The following FBXW7 variants were observed in gnomAD, a reference collection of about 807,000 sequenced individuals.
The protein encoded by FBXW7 is F-box and WD repeat domain containing 7.
FBXW7 carries 11 observed loss-of-function variants against 86.3 expected under a neutral mutation model. The observed-to-expected ratio is 0.13, with a 90% CI of 0.08 to 0.21. The LOEUF (loss-of-function observed/expected upper bound fraction) is 0.21, where lower values mean the gene tolerates loss of function less well. FBXW7 is among the 10% of genes least tolerant of loss of function. The pLI, the probability that FBXW7 is intolerant of heterozygous loss-of-function variation, is 1.00. For missense variants in FBXW7, 488 were observed against 847.4 expected (o/e 0.58, Z 5.27); for synonymous variants, 313 against 297.9 (o/e 1.05, Z -0.52).
chr4:152,515,775 G>A (rs1748430324), intron 2 of FBXW7, among the ~76,000 whole-genome samples: 1 of 149,306 alleles, frequency 6.7e-6, no homozygotes, highest in African/African-American at 2.5e-5. Context: ...TTTTTGCAAG[G>A]CACTGTCCAA....
chr4:152,523,805 A>G (rs1233500399), intron 2 of FBXW7, among the ~76,000 whole-genome samples: 1 of 152,208 alleles, frequency 6.6e-6, no homozygotes, highest in Non-Finnish European at 1.5e-5. Flanking sequence ...CCTGAGTGAC[A>G]CATCATCTAT....
At chr4:152,356,469 A>C (rs917076245) in intron 4 of FBXW7, among the ~76,000 whole-genome samples, 4 of 152,188 alleles carry the variant, frequency 2.6e-5, no homozygotes, top group African/African-American at 9.7e-5. Flanking sequence ...TAGTAGGAGA[A>C]TGTGTTTATA....
chr4:152,386,008 C>T (rs139233119), intron 4 of FBXW7, among the ~76,000 whole-genome samples: 438 of 151,956 alleles, frequency 2.9e-3, no homozygotes, highest in Non-Finnish European at 5.1e-3. Context: ...AACAAACCTT[C>T]AAATATAGAC....
chr4:152,481,793 C>T (rs1200881167), intron 2 of FBXW7, among the ~76,000 whole-genome samples: 1 of 152,134 alleles, frequency 6.6e-6, no homozygotes, highest in Non-Finnish European at 1.5e-5. Flanking sequence ...GATTGAATTG[C>T]TGAAATCTCA....
intron 4 of FBXW7, among the ~76,000 whole-genome samples, chr4:152,364,882 G>T (rs550593416): frequency 9.5e-4 from 144 of 152,160 alleles, no homozygotes; most frequent in African/African-American, 3.3e-3. Flanking sequence ...AACACATGCA[G>T]ATTTACATGG....
At chr4:152,405,446 T>C (rs932807737) in intron 4 of FBXW7, among the ~76,000 whole-genome samples, 2 of 152,082 alleles carry the variant, frequency 1.3e-5, no homozygotes, top group African/African-American at 4.8e-5. Flanking sequence ...TGAAACCAGG[T>C]AAAAACTATG....
intron 6 of FBXW7, among the ~76,000 whole-genome samples, chr4:152,345,560 CCT>C (rs753716454): frequency 1.3e-5 from 2 of 151,896 alleles, no homozygotes; most frequent in Non-Finnish European, 2.9e-5. Context: ...CGCCCCATCC[CCT>C]CAGTTATAAA....
At position 152,350,010 on chromosome 4, in the gene FBXW7, A is replaced by G. The variant is rs1731652945; in HGVS notation, c.584+32T>C. 10 of 1,226,824 alleles carry G rather than the reference A, an allele frequency of 8.2e-6. No homozygotes were observed. In the East Asian group the frequency reaches 2.6e-4, roughly 32 times the overall value. 76.0% of individuals were successfully genotyped at this position (1,226,824 alleles called of 1,614,324 possible). A position where few individuals can be genotyped will look rare whatever the true frequency, so the allele number is the denominator to read the frequency against. The stretch of plus-strand genomic sequence containing the variant: ...TCAGAATCAACTCTAAAAAACTGAG[A>G]ATCATGAGATAATCATTATATTTAA... On this transcript the variant is annotated intron_variant, in intron 5 of 13. Transcript: ENST00000281708.
At chr4:152,448,150 A>G (rs1741580298) in intron 2 of FBXW7, among the ~76,000 whole-genome samples, 1 of 152,238 alleles carries the variant, frequency 6.6e-6, no homozygotes, top group African/African-American at 2.4e-5. Flanking sequence ...CGGCAGTCTC[A>G]CATAAACTCC....
intron 2 of FBXW7, among the ~76,000 whole-genome samples, chr4:152,468,314 T>C (rs1743640639): frequency 1.3e-5 from 2 of 152,078 alleles, no homozygotes; most frequent in Non-Finnish European, 2.9e-5. Flanking sequence ...ACAAAACTTA[T>C]ATAAGAATGT....
At chr4:152,420,202 C>A (rs1041702275) in intron 2 of FBXW7, among the ~76,000 whole-genome samples, 1 of 152,138 alleles carries the variant, frequency 6.6e-6, no homozygotes, top group African/African-American at 2.4e-5. Context: ...TAGGTTCCAT[C>A]TCAAGAAACA....
chr4:152,438,322 A>G (rs1560898070), intron 2 of FBXW7, among the ~76,000 whole-genome samples: 2 of 152,200 alleles, frequency 1.3e-5, no homozygotes, highest in Non-Finnish European at 2.9e-5. Flanking sequence ...TAACTTTATT[A>G]TGATATTTGC....
intron 4 of FBXW7, among the ~76,000 whole-genome samples, chr4:152,358,386 G>A (rs1202363710): frequency 6.6e-6 from 1 of 151,828 alleles, no homozygotes; most frequent in South Asian, 2.1e-4. Flanking sequence ...GACTTGAGAA[G>A]AATTTCCCAT....
intron 4 of FBXW7, among the ~76,000 whole-genome samples, chr4:152,360,482 C>T (rs575998699): frequency 6.6e-6 from 1 of 152,032 alleles, no homozygotes; most frequent in Non-Finnish European, 1.5e-5. Context: ...CGATTCTTGC[C>T]AACATGTGAC....
chr4:152,405,155 A>G (rs1401865703), intron 4 of FBXW7, among the ~76,000 whole-genome samples: 2 of 150,958 alleles, frequency 1.3e-5, no homozygotes, highest in Non-Finnish European at 3.0e-5. Flanking sequence ...ACAGTTTGCC[A>G]GTCTTCAATT....
chr4:152,373,079 G>GGA (rs941127880), intron 4 of FBXW7, among the ~76,000 whole-genome samples: 1 of 151,902 alleles, frequency 6.6e-6, no homozygotes, highest in African/African-American at 2.4e-5. Flanking sequence ...GGACACTAAG[G>GGA]GTCTGTTCAA....
At chr4:152,506,378 G>A (rs562406762) in intron 2 of FBXW7, among the ~76,000 whole-genome samples, 4 of 152,276 alleles carry the variant, frequency 2.6e-5, no homozygotes, top group East Asian at 1.9e-4. Context: ...TGATCTGCCC[G>A]CCTCAGCCTC....
intron 2 of FBXW7, among the ~76,000 whole-genome samples, chr4:152,516,991 A>G (rs1439744668): frequency 6.6e-6 from 1 of 152,126 alleles, no homozygotes. Flanking sequence ...ACACCCAGCT[A>G]ATTTTTGTAT....
At position 152,337,723 on chromosome 4, in the gene FBXW7, T is replaced by A. The variant is rs1326780029; in HGVS notation, c.861+79A>T. ...ACAATACCGAATACCATAATTAGCA[T>A]GACAATGTTTAAAGGTGGTAGCTGT... On this transcript the variant is annotated intron_variant, in intron 7 of 13. Transcript: ENST00000281708. 18 of 1,409,250 alleles carry A rather than the reference T, an allele frequency of 1.3e-5. No homozygotes were observed. In the African/African-American group the frequency reaches 2.0e-4, roughly 16 times the overall value. 87.3% of individuals were successfully genotyped at this position (1,409,250 alleles called of 1,614,324 possible). A position where few individuals can be genotyped will look rare whatever the true frequency, so the allele number is the denominator to read the frequency against.
Sources: gnomAD v4.1 joint callset for allele counts (sites outside exome capture counted in the v4.1 genomes callset) on GRCh38, gnomAD v4.1.1 for gene constraint, MANE v1.5 for transcripts, NCBI Gene and HGNC (gene_info 2026-07-23, HGNC 2026-07-21) for gene names.